The following ABLIM1 variants were observed in gnomAD, a reference collection of about 807,000 sequenced individuals.
ABLIM1 encodes the protein actin binding LIM protein 1, also known as actin-binding LIM protein 1.
In ABLIM1, 40 loss-of-function variants were observed where a neutral mutation model predicts 107.0. The observed-to-expected ratio is 0.37, with a 90% CI of 0.29 to 0.49. The LOEUF (loss-of-function observed/expected upper bound fraction) is 0.49. ABLIM1 is among the 20% of genes least tolerant of loss of function. The pLI, the probability that ABLIM1 is intolerant of heterozygous loss-of-function variation, is 0.97. For synonymous variants in ABLIM1, 357 were observed against 357.3 expected, an observed-to-expected ratio of 1.00 and a Z score of 0.01; for missense variants, 857 against 1,008.5, an observed-to-expected ratio of 0.85 and a Z score of 2.04.
At chr10:114,789,110 C>T in the ABLIM1 span, among the ~76,000 whole-genome samples, 626 of 151,976 alleles carry the variant, frequency 4.1e-3, 6 homozygotes, top group African/African-American at 0.014. Context: ...CAAAAATTAG[C>T]CGGGAGTGAT....
chr10:114,586,251 AC>A (rs200707313), intron 2 of ABLIM1, among the ~76,000 whole-genome samples: 1,660 of 123,886 alleles, frequency 0.013, 26 homozygotes, highest in African/African-American at 0.039. Flanking sequence ...CAATAACCTA[AC>A]AGACAATTTC....
At chr10:114,437,455 A>T (rs2059585869) in intron 22 of ABLIM1, among the ~76,000 whole-genome samples, 1 of 151,968 alleles carries the variant, frequency 6.6e-6, no homozygotes, top group African/African-American at 2.4e-5. Context: ...AGTAGCTGGG[A>T]CTACAGGCAC....
intron 6 of ABLIM1, among the ~76,000 whole-genome samples, chr10:114,544,374 T>A (rs11196783): frequency 0.41 from 61,924 of 152,074 alleles, 13,855 homozygotes; most frequent in Non-Finnish European, 0.51. Context: ...ATTCTGTGTC[T>A]CACCCCAGAG....
chr10:114,740,768 G>C (rs959431639), intron 1 of ABLIM1, among the ~76,000 whole-genome samples: 3 of 151,998 alleles, frequency 2.0e-5, no homozygotes, highest in Non-Finnish European at 4.4e-5. Context: ...AGTTGGCTGG[G>C]CGTGGTGGCT....
At chr10:114,663,887 C>T (rs1052412140) in intron 1 of ABLIM1, among the ~76,000 whole-genome samples, 1 of 152,194 alleles carries the variant, frequency 6.6e-6, no homozygotes, top group Admixed American at 6.5e-5. Context: ...TGCCTGCCTG[C>T]TCCAGGTTCC....
At chr10:114,777,885 C>T in the ABLIM1 span, 1 of 152,262 alleles carries the variant, frequency 6.6e-6, no homozygotes, top group Non-Finnish European at 1.5e-5. Context: ...CCACAGCTCT[C>T]TCACTAAGGT....
chr10:114,516,239 T>G (rs2062790450), intron 6 of ABLIM1, among the ~76,000 whole-genome samples: 1 of 152,104 alleles, frequency 6.6e-6, no homozygotes, highest in African/African-American at 2.4e-5. Context: ...AAAAATGTTT[T>G]GCGGCCAGGT....
At chr10:114,465,474 AAT>A (rs2064955354) in intron 12 of ABLIM1, 1 of 454,308 alleles carries the variant, frequency 2.2e-6, no homozygotes, top group Non-Finnish European at 3.4e-6. Flanking sequence ...TCGCTGTCAA[AAT>A]ATAATTATTT....
intron 1 of ABLIM1, among the ~76,000 whole-genome samples, chr10:114,727,815 C>T (rs1456974966): frequency 6.6e-6 from 1 of 152,078 alleles, no homozygotes; most frequent in Non-Finnish European, 1.5e-5. Flanking sequence ...GTTAGCCAGG[C>T]ATGGTGGCTC....
Position 114,734,873 on chromosome 10 carries a change from C to T in ABLIM1, c.-213+33188G>A, listed in dbSNP as rs116666862. On this transcript the variant is annotated intron_variant, in intron 1 of 15. Transcript: ENST00000651092. ...AGTAAATAACTAATAAGTAAACATA[C>T]GCAAAATAGGCTTACTAAATAGCTA... Among the ~76,000 whole-genome samples the T allele has an allele frequency of 5.6e-3, 858 of 152,124 alleles. 6 individuals carry two copies. Among genetic ancestry groups the T allele is most frequent in the African/African-American group, 0.019 (784 of 41,490 alleles).
chr10:114,485,889 A>C (rs1014040067), intron 8 of ABLIM1, among the ~76,000 whole-genome samples: 2 of 152,224 alleles, frequency 1.3e-5, no homozygotes, highest in African/African-American at 4.8e-5. Context: ...AAGAGAGCAC[A>C]AGATGTATTT....
the ABLIM1 span, among the ~76,000 whole-genome samples, chr10:114,799,011 G>A: frequency 6.6e-6 from 1 of 151,982 alleles, no homozygotes; most frequent in East Asian, 1.9e-4. Flanking sequence ...TATTGGCCAG[G>A]ATGGTCTCAA....
chr10:114,746,461 TA>T (rs1193283716), intron 1 of ABLIM1, among the ~76,000 whole-genome samples: 1 of 152,232 alleles, frequency 6.6e-6, no homozygotes, highest in East Asian at 1.9e-4. Context: ...TATGTACGTA[TA>T]CCACGTCTTT....
At chr10:114,689,382 G>C (rs77794891), upstream of ABLIM1, among the ~76,000 whole-genome samples, 1 of 44,450 alleles carries the variant, frequency 2.2e-5, no homozygotes, top group Non-Finnish European at 5.2e-5. Flanking sequence ...TTTTTTTTTT[G>C]ACAGAGTCTT....
intron 1 of ABLIM1, chr10:114,632,216 A>G (rs2078234771): frequency 2.0e-6 from 2 of 985,396 alleles, no homozygotes; most frequent in Middle Eastern, 5.2e-4. Flanking sequence ...CTGCTGCTGT[A>G]ACAAATGCAA....
At chr10:114,768,362 G>A (rs1213050135), upstream of ABLIM1, among the ~76,000 whole-genome samples, 1 of 149,870 alleles carries the variant, frequency 6.7e-6, no homozygotes, top group Non-Finnish European at 1.5e-5. Flanking sequence ...TCCAGCAGCC[G>A]CTCTGCCGCG....
intron 1 of ABLIM1, among the ~76,000 whole-genome samples, chr10:114,690,914 T>C (rs1836652057): frequency 6.6e-6 from 1 of 152,226 alleles, no homozygotes; most frequent in Admixed American, 6.5e-5. Flanking sequence ...ACTCCTGACC[T>C]CAACTGATCC....
intron 2 of ABLIM1, among the ~76,000 whole-genome samples, chr10:114,595,317 C>G (rs764838902): frequency 7.2e-5 from 11 of 152,136 alleles, no homozygotes; most frequent in African/African-American, 1.2e-4. Flanking sequence ...CTAATTTGTC[C>G]TTTGTTAGAA....
At chr10:114,654,095 T>C (rs1301992013) in intron 1 of ABLIM1, among the ~76,000 whole-genome samples, 1 of 152,134 alleles carries the variant, frequency 6.6e-6, no homozygotes, top group Non-Finnish European at 1.5e-5. Flanking sequence ...TCCTGAACAC[T>C]CTGGGGCTTC....
Sources: gnomAD v4.1 joint callset for allele counts (sites outside exome capture counted in the v4.1 genomes callset) on GRCh38, gnomAD v4.1.1 for gene constraint, MANE v1.5 for transcripts, NCBI Gene and HGNC (gene_info 2026-07-23, HGNC 2026-07-21) for gene names.